HDAC9: variants seen among roughly 807,000 people sequenced by gnomAD.
The protein encoded by HDAC9 is histone deacetylase 9.
HDAC9 carries 41 observed loss-of-function variants against 139.4 expected under a neutral mutation model. The ratio of observed to expected loss-of-function variants is 0.29; its 90% CI spans 0.23 to 0.38. HDAC9 has a LOEUF of 0.38. Among genes scored for constraint, HDAC9 ranks in the 10% least tolerant of loss-of-function variants. HDAC9 has a pLI of 1.00. For synonymous variants in HDAC9, 517 were observed against 476.2 expected, an observed-to-expected ratio of 1.09 and a Z score of -1.12; for missense variants, 1,147 against 1,297.0, an observed-to-expected ratio of 0.88 and a Z score of 1.78.
At chr7:18,940,152 C>T (rs770071731) in intron 23 of HDAC9, among the ~76,000 whole-genome samples, 1 of 152,044 alleles carries the variant, frequency 6.6e-6, no homozygotes, top group Non-Finnish European at 1.5e-5. Flanking sequence ...CAGCAGGAAC[C>T]GTTAGCTGTG....
At chr7:18,761,281 T>G (rs1192127678) in intron 14 of HDAC9, among the ~76,000 whole-genome samples, 2 of 152,202 alleles carry the variant, frequency 1.3e-5, no homozygotes, top group African/African-American at 4.8e-5. Flanking sequence ...ATGAACAGTT[T>G]TGCCTGTGTT....
At chr7:18,151,732 T>A (rs1208329789) in intron 1 of HDAC9, 1 of 152,190 alleles carries the variant, frequency 6.6e-6, no homozygotes. Flanking sequence ...GGGAATGGAA[T>A]GTGCTACATA....
chr7:18,780,308 G>A (rs917414984), intron 16 of HDAC9, among the ~76,000 whole-genome samples: 2 of 152,036 alleles, frequency 1.3e-5, no homozygotes, highest in South Asian at 2.1e-4. Flanking sequence ...ATTTAAAACA[G>A]CTTTTTACAA....
intron 12 of HDAC9, among the ~76,000 whole-genome samples, chr7:18,726,911 T>G (rs1399598032): frequency 6.6e-6 from 1 of 152,048 alleles, no homozygotes; most frequent in African/African-American, 2.4e-5. Flanking sequence ...ATTCACTGAT[T>G]CGGTAAGTTG....
intron 5 of HDAC9, among the ~76,000 whole-genome samples, chr7:18,593,153 A>C (rs1037932517): frequency 6.6e-6 from 1 of 152,138 alleles, no homozygotes; most frequent in Non-Finnish European, 1.5e-5. Context: ...AGTCTTAAGA[A>C]TATATGATTT....
At chr7:18,908,972 G>T (rs1802510613) in intron 22 of HDAC9, among the ~76,000 whole-genome samples, 1 of 151,906 alleles carries the variant, frequency 6.6e-6, no homozygotes, top group South Asian at 2.1e-4. Flanking sequence ...GCTTTTTGAG[G>T]ACCCTCCATA....
intron 1 of HDAC9, among the ~76,000 whole-genome samples, chr7:18,106,535 C>T (rs1783219079): frequency 6.6e-6 from 1 of 152,130 alleles, no homozygotes; most frequent in South Asian, 2.1e-4. Context: ...TCACTGCAAC[C>T]TCCGCCTCCC....
chr7:18,095,923 A>C (rs974127662), intron 1 of HDAC9, among the ~76,000 whole-genome samples: 1 of 152,126 alleles, frequency 6.6e-6, no homozygotes, highest in Non-Finnish European at 1.5e-5. Context: ...AGATACAAAA[A>C]TTGTCCTTTT....
chr7:18,163,476 T>G (rs34621382), intron 2 of HDAC9, among the ~76,000 whole-genome samples: 8,684 of 152,298 alleles, frequency 0.057, 359 homozygotes, highest in South Asian at 0.079. Flanking sequence ...CCTATTCTCA[T>G]AGTTTTTGAT....
intron 2 of HDAC9, among the ~76,000 whole-genome samples, chr7:18,278,062 T>G (rs1796862861): frequency 6.6e-6 from 1 of 152,232 alleles, no homozygotes; most frequent in South Asian, 2.1e-4. Context: ...AGCACCATCT[T>G]GAACTTCCAC....
At chr7:18,800,294 T>C in intron 17 of HDAC9, among the ~76,000 whole-genome samples, 1 of 152,208 alleles carries the variant, frequency 6.6e-6, no homozygotes, top group Non-Finnish European at 1.5e-5. Flanking sequence ...GACTATCTGA[T>C]AGGAAAAATT....
chr7:18,138,908 A>C (rs142837403), intron 1 of HDAC9, among the ~76,000 whole-genome samples: 1 of 152,080 alleles, frequency 6.6e-6, no homozygotes, highest in Non-Finnish European at 1.5e-5. Context: ...TGATTCTAGC[A>C]TGAGACATGG....
intron 24 of HDAC9, among the ~76,000 whole-genome samples, chr7:18,966,310 G>A (rs1053058149): frequency 6.6e-5 from 10 of 152,102 alleles, no homozygotes; most frequent in African/African-American, 2.4e-4. Context: ...TTCTGATCTG[G>A]GAGTTAAAGG....
intron 2 of HDAC9, among the ~76,000 whole-genome samples, chr7:18,212,467 T>C (rs1015754948): frequency 1.3e-5 from 2 of 152,212 alleles, no homozygotes; most frequent in African/African-American, 4.8e-5. Flanking sequence ...TGAATTCTTG[T>C]TGCGTCATCA....
intron 12 of HDAC9, among the ~76,000 whole-genome samples, chr7:18,687,860 A>G (rs73313362): frequency 0.094 from 14,284 of 151,862 alleles, 1,715 homozygotes; most frequent in African/African-American, 0.28. Context: ...GTGGTCTCTT[A>G]TAATAAAGAT....
At chr7:18,861,848 G>A (rs1316957051) in intron 21 of HDAC9, among the ~76,000 whole-genome samples, 4 of 152,166 alleles carry the variant, frequency 2.6e-5, no homozygotes, top group Admixed American at 6.5e-5. Flanking sequence ...AGGTATATAT[G>A]TGAGTGTACA....
intron 12 of HDAC9, among the ~76,000 whole-genome samples, chr7:18,690,176 G>C (rs886595531): frequency 6.6e-6 from 1 of 151,924 alleles, no homozygotes; most frequent in Non-Finnish European, 1.5e-5. Context: ...TAACTAAAGA[G>C]GTTTTTATCC....
At chr7:18,564,811 T>C (rs936988784) in intron 2 of HDAC9, among the ~76,000 whole-genome samples, 1 of 152,082 alleles carries the variant, frequency 6.6e-6, no homozygotes, top group Admixed American at 6.5e-5. Flanking sequence ...TGAAGCAATG[T>C]CTTTAGAATG....
At chr7:18,941,730 TC>T (rs1782042674) in intron 23 of HDAC9, among the ~76,000 whole-genome samples, 1 of 152,162 alleles carries the variant, frequency 6.6e-6, no homozygotes, top group East Asian at 1.9e-4. Context: ...CTCTCCATAC[TC>T]TGAAAGAGAA....
Sources: allele counts gnomAD v4.1 joint callset (sites outside exome capture counted in the v4.1 genomes callset), GRCh38; gene constraint gnomAD v4.1.1; transcripts MANE v1.5; gene names NCBI Gene and HGNC (gene_info 2026-07-23, HGNC 2026-07-21).